Variants in ARMCX4 observed in about 807,000 individuals in gnomAD.
The protein encoded by ARMCX4 is armadillo repeat containing X-linked 4, also known as armadillo repeat-containing X-linked protein 4.
A neutral mutation model predicts 34.7 loss-of-function variants in ARMCX4; 3 were observed. That is an observed-to-expected ratio of 0.09 (90% confidence interval 0.04 to 0.22). ARMCX4 has a LOEUF of 0.22. ARMCX4 is among the 10% of genes least tolerant of loss of function. ARMCX4 has a pLI of 1.00. For missense variants in ARMCX4, 1,448 were observed against 1,720.8 expected (o/e 0.84, Z 2.81); for synonymous variants, 513 against 632.8 (o/e 0.81, Z 2.84).
Position 101,495,271 on chromosome X carries a change from C to G in ARMCX4, c.6682C>G (p.Leu2228Val). 8.8e-7 allele frequency: 1 copy of G among 1,142,162 alleles called. No individual in the cohort carries two copies. Among genetic ancestry groups the G allele is most frequent in the Non-Finnish European group, 1.2e-6 (1 of 862,074 alleles). The allele number at this position is 1,142,162 out of a possible 1,213,427, so 94.1% of individuals were successfully genotyped here. The change falls in exon 6 of 6, where the codon CTA becomes GTA. Residue 2228 changes from leucine to valine, a missense_variant. By Grantham distance (32) the Leu-to-Val change is conservative (BLOSUM62 1). Transcript: ENST00000423738. ...TKENILNALS[L>V]FENINYHFKR... ...GGAGAATATTCTTAATGCTCTTTCA[C>G]TATTTGAAAATATAAATTACCATTT...
intron 11 of ARMCX4, among the ~76,000 whole-genome samples, chrX:101,513,528 T>C (rs782253443): frequency 1.8e-5 from 2 of 112,026 alleles, no homozygotes; most frequent in Non-Finnish European, 3.8e-5. Context: ...TTTTGTTATA[T>C]GACAAGGGAA....
chrX:101,422,085 G>A (rs944344863), intron 2 of ARMCX4, among the ~76,000 whole-genome samples: 16 of 106,029 alleles, frequency 1.5e-4, no homozygotes, highest in East Asian at 1.2e-3. Flanking sequence ...ATGTGATTTC[G>A]GCTCACTGCA....
At chrX:101,528,204 A>G (rs181240154) in intron 11 of ARMCX4, among the ~76,000 whole-genome samples, 5 of 112,285 alleles carry the variant, frequency 4.5e-5, no homozygotes, top group Admixed American at 9.5e-5. Flanking sequence ...AACGTAATCC[A>G]TCACATAAAC....
chrX:101,486,279 A>C (rs1556006783), intron 2 of ARMCX4, among the ~76,000 whole-genome samples, 187 bp downstream of exon 2: 1 of 109,980 alleles, frequency 9.1e-6, no homozygotes, highest in Non-Finnish European at 1.9e-5. Flanking sequence ...AAGACAGCAA[A>C]CTTTTCTACA....
chrX:101,460,834 A>G (rs1932576613), intron 4 of ARMCX4, among the ~76,000 whole-genome samples: 2 of 111,589 alleles, frequency 1.8e-5, no homozygotes, highest in Non-Finnish European at 3.8e-5. Flanking sequence ...GCAGCCTCTA[A>G]GACGGTGATC....
At chrX:101,419,834 C>T (rs1345424495) in intron 2 of ARMCX4, among the ~76,000 whole-genome samples, 3 of 111,658 alleles carry the variant, frequency 2.7e-5, no homozygotes, top group Non-Finnish European at 3.8e-5. Context: ...TTTCTTTCTA[C>T]TGACTCCCTC....
In ARMCX4 at chrX:101,494,064, T is replaced by G; in HGVS notation, c.5475T>G (p.Ala1825=). 1.0e-6 allele frequency: 1 copy of G among 971,151 alleles called. No individual in the cohort carries two copies. Among genetic ancestry groups the G allele is most frequent in the Non-Finnish European group, 1.4e-6 (1 of 737,327 alleles). 80.0% of individuals were successfully genotyped at this position (971,151 alleles called of 1,213,427 possible). The change falls in exon 6 of 6, where the codon GCT becomes GCG. Residue 1825 remains alanine (A), a synonymous_variant. Coordinates refer to ENST00000423738, the MANE Select transcript of ARMCX4 (RefSeq NM_001256155.3). ...AEAGAGAEAG[A]GAGAEAGAEA... ...CTGGGGCTGGGGCTGAGGCTGGGGC[T>G]GGGGCTGGGGCTGAGGCTGGGGCTG...
chrX:101,447,186 A>G (rs781985214), downstream of ARMCX4, among the ~76,000 whole-genome samples: 13 of 112,374 alleles, frequency 1.2e-4, no homozygotes, highest in African/African-American at 4.2e-4. Context: ...TTTATGATCT[A>G]GTCACACACT....
intron 2 of ARMCX4, among the ~76,000 whole-genome samples, chrX:101,430,794 G>C (rs781786657): frequency 5.3e-5 from 6 of 112,441 alleles, no homozygotes; most frequent in African/African-American, 1.9e-4. Flanking sequence ...GTGAGGGGTT[G>C]TTGTTGATGC....
intron 11 of ARMCX4, among the ~76,000 whole-genome samples, chrX:101,528,225 A>G (rs1056629687): frequency 8.9e-6 from 1 of 112,197 alleles, no homozygotes; most frequent in African/African-American, 3.2e-5. Flanking sequence ...AGAACCAAAG[A>G]CAAAAACCAC....
Position 101,488,795 on chromosome X carries a change from C to G in ARMCX4, c.206C>G (p.Pro69Arg), listed in dbSNP as rs782089176. Residue 69 changes from proline (P) to arginine (R), a missense_variant, in exon 6 of 6, where the codon CCC (proline) becomes CGC (arginine). Transcript: ENST00000423738. ...AATGAAGCAGAGATTAAGACTAAAC[C>G]CCAAGTCGAGATTGGAGCAGAAACT... ...AINEAEIKTK[P>R]QVEIGAETGA... 1 of 1,156,100 alleles carries G rather than the reference C, an allele frequency of 8.6e-7. No homozygotes were observed. Among genetic ancestry groups the G allele is most frequent in the Non-Finnish European group, 1.1e-6 (1 of 873,035 alleles).
chrX:101,531,965 C>T (rs1935138045), exon 12 of ARMCX4: 1 of 112,379 alleles, frequency 8.9e-6, no homozygotes, highest in Non-Finnish European at 1.9e-5. Context: ...TAATCATCAT[C>T]AGAGTATCCT....
rs190340909 is a variant in ARMCX4 at position 101,437,579 on chromosome X, A to G, written n.165-6473A>G. Reference sequence around the variant, plus strand: ...TGCTAGCAGTCTATCAATTTTGTTGATCTTTTCAAAAAATCAGCTCCTGGA... The same window carrying G: ...TGCTAGCAGTCTATCAATTTTGTTGGTCTTTTCAAAAAATCAGCTCCTGGA... On this transcript the variant is annotated intron_variant and non_coding_transcript_variant, in intron 2 of 3. Coordinates refer to the ARMCX4 transcript ENST00000430461. Among the ~76,000 whole-genome samples, 513 of 110,347 alleles carry G rather than the reference A, an allele frequency of 4.6e-3. 2 individuals carry two copies. The highest frequency in any genetic ancestry group is 0.016 in the African/African-American group (486 of 30,268).
chrX:101,485,301 G>C (rs1933643945), upstream of ARMCX4: 1 of 111,396 alleles, frequency 9.0e-6, no homozygotes, highest in Non-Finnish European at 1.9e-5. Context: ...GGATGTCTGT[G>C]CGTGCGGAGT....
rs1458351808 is a variant in ARMCX4 at position 101,494,181 on chromosome X, G to T, written c.5592G>T (p.Arg1864Ser). Reference protein sequence around the residue: ...WDGDATTVESRLGAGEEAGVE... With the variant: ...WDGDATTVESSLGAGEEAGVE... Reference sequence around the variant, plus strand: ...GAGATGCAACCACTGTAGAGTCTAGGCTTGGGGCTGGGGAAGAGGCTGGTG... The same window carrying T: ...GAGATGCAACCACTGTAGAGTCTAGTCTTGGGGCTGGGGAAGAGGCTGGTG... Residue 1864 changes from arginine to serine, a missense_variant, in exon 6 of 6, where the codon AGG becomes AGT. Coordinates refer to ENST00000423738, the MANE Select transcript of ARMCX4 (RefSeq NM_001256155.3). 4.4e-6 allele frequency: 5 copies of T among 1,141,450 alleles called. No homozygotes were observed. In the African/African-American group the frequency reaches 9.1e-5, roughly 21 times the overall value. 94.1% of individuals were successfully genotyped at this position (1,141,450 alleles called of 1,213,427 possible).
upstream of ARMCX4, among the ~76,000 whole-genome samples, chrX:101,481,404 TGA>T (rs1933444276): frequency 8.9e-6 from 1 of 112,435 alleles, no homozygotes; most frequent in South Asian, 3.6e-4. Context: ...TCAGCTAATG[TGA>T]GTGTTCCGAG....
At chrX:101,503,373 A>C (rs1556014225) in intron 7 of ARMCX4, among the ~76,000 whole-genome samples, 1 of 111,368 alleles carries the variant, frequency 9.0e-6, no homozygotes, top group Non-Finnish European at 1.9e-5. Context: ...TGACTTCCAC[A>C]ATGGTTGAAC....
intron 2 of ARMCX4, among the ~76,000 whole-genome samples, chrX:101,433,656 A>C (rs1314514404): frequency 9.0e-6 from 1 of 111,691 alleles, no homozygotes; most frequent in African/African-American, 3.3e-5. Context: ...TGGCACATAG[A>C]ATGTGCTCCA....
In ARMCX4 at chrX:101,489,530, C is replaced by T. The variant is rs1556007975; in HGVS notation, c.941C>T (p.Ala314Val). ...CKTMSRAESG[A>V]DTRASAQPQI... ...ACCATGTCTAGGGCAGAGTCTGGGG[C>T]AGACACGAGGGCTTCTGCTCAGCCT... is the stretch of plus-strand genomic sequence containing the variant. The change falls in exon 6 of 6, where the codon GCA becomes GTA. Residue 314 changes from alanine to valine, a missense_variant. Ala to Val is a moderately conservative substitution (Grantham distance 64). Transcript: ENST00000423738. The T allele has an allele frequency of 8.7e-7, 1 of 1,155,552 alleles. No homozygotes were observed. Among genetic ancestry groups the T allele is most frequent in the Admixed American group, 2.6e-5 (1 of 38,743 alleles).
Sources: gnomAD v4.1 joint callset for allele counts (sites outside exome capture counted in the v4.1 genomes callset) on GRCh38, gnomAD v4.1.1 for gene constraint, MANE v1.5 for transcripts, NCBI Gene and HGNC (gene_info 2026-07-23, HGNC 2026-07-21) for gene names.